MTMR9: variants seen among roughly 807,000 people sequenced by gnomAD.
MTMR9 encodes myotubularin-related protein 9.
A neutral mutation model predicts 69.5 loss-of-function variants in MTMR9; 39 were observed. That is an observed-to-expected ratio of 0.56 (90% CI 0.43 to 0.73). The LOEUF (loss-of-function observed/expected upper bound fraction) is 0.73. Ranked by LOEUF, MTMR9 falls within the 30% of genes least tolerant of loss-of-function variation. The pLI is 0.00. For synonymous variants in MTMR9, 354 were observed against 240.8 expected, an observed-to-expected ratio of 1.47 and a Z score of -4.35; for missense variants, 900 against 671.2, an observed-to-expected ratio of 1.34 and a Z score of -3.77.
downstream of MTMR9, chr8:11,331,133 C>T (rs1387766947): frequency 3.0e-5 from 48 of 1,605,544 alleles, no homozygotes; most frequent in Admixed American, 8.0e-4. Flanking sequence ...CCTACTTCAA[C>T]CTGCCTGACT....
Position 11,297,491 on chromosome 8 carries a change from C to T in MTMR9, c.291+2189C>T, listed in dbSNP as rs182193481. Among the ~76,000 whole-genome samples, 56 of 151,390 alleles carry T rather than the reference C, an allele frequency of 3.7e-4. 1 individual carries two copies. The East Asian group carries it at 7.4e-3, about 20-fold the overall frequency. On this transcript the variant is annotated intron_variant, in intron 2 of 9. Coordinates refer to ENST00000221086, the MANE Select transcript of MTMR9 (RefSeq NM_015458.4). ...TGGGCATTTGGGCAGAGGAACATTA[C>T]CCACTTCCATTGAGCATGTATGTGT...
At chr8:11,298,722 C>T (rs79693489) in intron 2 of MTMR9, 14 of 670,010 alleles carry the variant, frequency 2.1e-5, no homozygotes, top group African/African-American at 1.6e-4. Flanking sequence ...CCCGCTGCAC[C>T]CCCCCCCCGC....
chr8:11,315,084 T>C lies in MTMR9; in HGVS notation c.1113+20T>C, dbSNP rs781684027. 1 of 1,608,308 alleles carries C rather than the reference T, an allele frequency of 6.2e-7. No individual in the cohort carries two copies. The highest frequency in any genetic ancestry group is 2.2e-5 in the East Asian group (1 of 44,710). On this transcript the variant is annotated intron_variant, in intron 7 of 9. Coordinates refer to ENST00000221086, the MANE Select transcript of MTMR9 (RefSeq NM_015458.4). Reference sequence around the variant, plus strand: ...CTGCAGGTGAGAAGAGCTGTTTGATTCACAGAGGAACTGCTTATTGATGCT... The same window carrying C: ...CTGCAGGTGAGAAGAGCTGTTTGATCCACAGAGGAACTGCTTATTGATGCT...
At chr8:11,289,129 A>G (rs1167515382) in intron 1 of MTMR9, among the ~76,000 whole-genome samples, 1 of 152,198 alleles carries the variant, frequency 6.6e-6, no homozygotes, top group Non-Finnish European at 1.5e-5. Context: ...CTGAGATTGC[A>G]CCACTGAACT....
downstream of MTMR9, chr8:11,332,046 G>T: frequency 6.2e-7 from 1 of 1,611,988 alleles, no homozygotes; most frequent in Non-Finnish European, 8.5e-7. Context: ...CATGGGGGCA[G>T]GGGTTGTGCT....
At chr8:11,307,409 T>A (rs1799981569) in intron 5 of MTMR9, among the ~76,000 whole-genome samples, 1 of 152,216 alleles carries the variant, frequency 6.6e-6, no homozygotes, top group African/African-American at 2.4e-5. Flanking sequence ...TTTTATTGTG[T>A]ATTGTACCAC....
Position 11,322,767 on chromosome 8 carries a change from C to A in MTMR9, c.1629C>A (p.Asp543Glu). The A allele has an allele frequency of 3.1e-6, 5 of 1,613,874 alleles. No individual in the cohort carries two copies. Among genetic ancestry groups the A allele is most frequent in the Non-Finnish European group, 3.4e-6 (4 of 1,179,914 alleles). ...RRQLAELETE[D>E]GMQESP is the part of the protein sequence containing the mutation. ...AGTTGGCAGAACTGGAAACAGAGGA[C>A]GGGATGCAGGAGAGTCCCTGAAAGG... Residue 543 changes from aspartate (D) to glutamate (E), a missense_variant, in exon 10 of 10, where the codon GAC (aspartate) becomes GAA (glutamate). Physicochemically the swap from Asp to Glu is conservative, Grantham distance 45. Coordinates refer to ENST00000221086, the MANE Select transcript of MTMR9 (RefSeq NM_015458.4).
chr8:11,295,138 T>C, intron 1 of MTMR9, 56 bp from the exon 2 acceptor site: 1 of 881,264 alleles, frequency 1.1e-6, no homozygotes. Context: ...GAAATAATAA[T>C]ATATTTAAAG....
At chr8:11,331,338 C>T (rs762114863), downstream of MTMR9, 2 of 1,613,976 alleles carry the variant, frequency 1.2e-6, no homozygotes, top group Non-Finnish European at 1.7e-6. Flanking sequence ...CTGTCGATGC[C>T]TCTTCCACCT....
chr8:11,304,753 G>A (rs1585120094), intron 3 of MTMR9, 88 bp from the exon 4 acceptor site: 2 of 1,326,386 alleles, frequency 1.5e-6, no homozygotes, highest in Non-Finnish European at 2.1e-6. Context: ...ATCAGTGAAA[G>A]TTGACCTCTA....
chr8:11,318,588 A>T (rs776671342), intron 8 of MTMR9: 2 of 152,194 alleles, frequency 1.3e-5, no homozygotes, highest in South Asian at 4.1e-4. Context: ...TGTAAGGTTT[A>T]CCACAGACTG....
At chr8:11,292,481 C>T (rs1374473326) in intron 1 of MTMR9, among the ~76,000 whole-genome samples, 1 of 152,152 alleles carries the variant, frequency 6.6e-6, no homozygotes, top group Non-Finnish European at 1.5e-5. Context: ...GTTCTATTTC[C>T]TCCACATTCT....
At chr8:11,319,533 C>CTTTAGAA in intron 8 of MTMR9, 154 bp from the exon 9 acceptor site, 1 of 740,072 alleles carries the variant, frequency 1.4e-6, no homozygotes, top group Non-Finnish European at 2.2e-6. Flanking sequence ...AGCTTTTTGA[C>CTTTAGAA]AAATCTATTG....
At chr8:11,331,954 G>A, downstream of MTMR9, 1 of 1,611,984 alleles carries the variant, frequency 6.2e-7, no homozygotes, top group East Asian at 2.2e-5. Context: ...GCCCTGGTGT[G>A]CGCTGTCCTG....
intron 9 of MTMR9, 63 bp downstream of exon 9, chr8:11,319,901 G>T: frequency 1.3e-6 from 2 of 1,555,056 alleles, no homozygotes; most frequent in Non-Finnish European, 1.8e-6. Flanking sequence ...GCCTGTGAGT[G>T]TGTGCTGTTG....
downstream of MTMR9, among the ~76,000 whole-genome samples, chr8:11,330,519 T>C (rs988559350): frequency 2.0e-5 from 3 of 152,130 alleles, no homozygotes; most frequent in African/African-American, 4.8e-5. Flanking sequence ...AGATTGTTGC[T>C]GTGTCTGTGT....
downstream of MTMR9, among the ~76,000 whole-genome samples, chr8:11,330,190 G>T (rs1801151620): frequency 6.6e-6 from 1 of 151,812 alleles, no homozygotes; most frequent in Admixed American, 6.5e-5. Flanking sequence ...CCCCGTCCGG[G>T]AGGGAGGTGG....
downstream of MTMR9, chr8:11,331,545 C>G: frequency 6.2e-7 from 1 of 1,613,842 alleles, no homozygotes; most frequent in Non-Finnish European, 8.5e-7. Context: ...TGTCCTCACC[C>G]TCTGCCTTGA....
At position 11,300,201 on chromosome 8, in the gene MTMR9, T is replaced by A. The variant is rs911904380; in HGVS notation, c.417+53T>A. 4 of 1,589,914 alleles carry A rather than the reference T, an allele frequency of 2.5e-6. No homozygotes were observed. The African/African-American group carries it at 5.4e-5, about 21-fold the overall frequency. On this transcript the variant is annotated intron_variant, in intron 3 of 9. Transcript: ENST00000221086. ...TATGAGAAGTAACCCAATACCTTAT[T>A]TGACTTGTGAAAATGATCACTTCTT...
Sources: gnomAD v4.1 joint callset for allele counts (sites outside exome capture counted in the v4.1 genomes callset) on GRCh38, gnomAD v4.1.1 for gene constraint, MANE v1.5 for transcripts, NCBI Gene and HGNC (gene_info 2026-07-23, HGNC 2026-07-21) for gene names.